Variants in POLR3H observed in about 807,000 individuals in gnomAD.
POLR3H encodes the protein DNA-directed RNA polymerase III subunit RPC8.
POLR3H carries 17 observed loss-of-function variants against 25.5 expected under a neutral mutation model. The ratio of observed to expected loss-of-function variants is 0.67; its 90% confidence interval spans 0.46 to 1.00. The LOEUF is 1.00. Ranked by LOEUF, POLR3H falls within the 50% of genes least tolerant of loss-of-function variation. POLR3H has a pLI of 0.00. For synonymous variants in POLR3H, 129 were observed against 103.0 expected, an observed-to-expected ratio of 1.25 and a Z score of -1.53; for missense variants, 274 against 265.0, an observed-to-expected ratio of 1.03 and a Z score of -0.24.
In POLR3H at chr22:41,529,977, A is replaced by T. The variant is rs11703078; in HGVS notation, c.562-641T>A. ...TCACCGTGTTAGCCAGGATGGTCTC[A>T]ATCTCCTGACCTCGTGATCCGCCCA... On this transcript the variant is annotated intron_variant, in intron 5 of 5. Transcript: ENST00000355209. 4.6e-5 allele frequency among the ~76,000 whole-genome samples: 7 copies of T among 151,790 alleles called. No individual in the cohort carries two copies. In the South Asian group the frequency reaches 6.2e-4, roughly 14 times the overall value.
chr22:41,540,642 G>T, intron 2 of POLR3H, 57 bp downstream of exon 2: 2 of 1,341,946 alleles, frequency 1.5e-6, no homozygotes, highest in Non-Finnish European at 2.1e-6. Context: ...CTTGACCTTT[G>T]GCTACAGAAA....
At position 41,532,749 on chromosome 22, in the gene POLR3H, G is replaced by A. The variant is rs1484343563; in HGVS notation, c.209-4C>T. 6.2e-7 allele frequency: 1 copy of A among 1,613,542 alleles called. No individual in the cohort carries two copies. Among genetic ancestry groups the A allele is most frequent in the South Asian group, 1.1e-5 (1 of 91,006 alleles). ...AACACCACGCAGCGAAAATGGACTGGAAATGAAGACAGCCCATCAGTGATG... is the reference window on the plus strand; with the variant it reads ...AACACCACGCAGCGAAAATGGACTGAAAATGAAGACAGCCCATCAGTGATG... On this transcript the variant is annotated splice_region_variant and splice_polypyrimidine_tract_variant and intron_variant, in intron 2 of 5. Coordinates refer to ENST00000355209, the MANE Select transcript of POLR3H (RefSeq NM_001018050.4).
intron 1 of POLR3H, among the ~76,000 whole-genome samples, chr22:41,541,263 A>T (rs1204231803): frequency 6.6e-6 from 1 of 152,184 alleles, no homozygotes; most frequent in East Asian, 1.9e-4. Context: ...ACTCTCCGAC[A>T]TCCCAAAGCC....
chr22:41,528,060 G>A lies in POLR3H; in HGVS notation c.*1223C>T. 1.9e-6 allele frequency: 3 copies of A among 1,613,318 alleles called. No homozygotes were observed. Among genetic ancestry groups the A allele is most frequent in the Non-Finnish European group, 2.5e-6 (3 of 1,179,852 alleles). ...GGTCCCCCTGAGGTGGTGGGGTGAG[G>A]GGCAGCCACCTTGTTTCCCCTCCTG... On this transcript the variant is annotated 3_prime_UTR_variant, in exon 6 of 6. Coordinates refer to ENST00000355209, the MANE Select transcript of POLR3H (RefSeq NM_001018050.4).
At chr22:41,537,591 A>G (rs2066868803) in intron 2 of POLR3H, among the ~76,000 whole-genome samples, 1 of 152,194 alleles carries the variant, frequency 6.6e-6, no homozygotes, top group Admixed American at 6.5e-5. Context: ...GGTTAACCCC[A>G]TTGTACAGAG....
At chr22:41,534,922 TTAGA>T (rs2066815752) in intron 2 of POLR3H, among the ~76,000 whole-genome samples, 2 of 150,826 alleles carry the variant, frequency 1.3e-5, no homozygotes, top group East Asian at 3.9e-4. Context: ...AATTGTGGAA[TTAGA>T]TAGTGGTGAT....
At chr22:41,529,760 G>GTTT in intron 5 of POLR3H, 1 of 431,488 alleles carries the variant, frequency 2.3e-6, no homozygotes, top group Admixed American at 3.1e-5. Context: ...CCTTTTTTTT[G>GTTT]TTGTTTTTTT....
At chr22:41,543,692 C>CA in intron 1 of POLR3H, 1 of 526,096 alleles carries the variant, frequency 1.9e-6, no homozygotes, top group South Asian at 1.7e-5. Flanking sequence ...GGAAGGACAG[C>CA]AATATTTTAT....
In POLR3H at chr22:41,526,483, G is replaced by A; in HGVS notation, c.*2800C>T. 6.3e-7 allele frequency: 1 copy of A among 1,598,018 alleles called. No homozygotes were observed. Among genetic ancestry groups the A allele is most frequent in the Non-Finnish European group, 8.5e-7 (1 of 1,169,708 alleles). On this transcript the variant is annotated 3_prime_UTR_variant, in exon 6 of 6. Coordinates refer to ENST00000355209, the MANE Select transcript of POLR3H (RefSeq NM_001018050.4). ...GTCAGAGTTGATAGGGGCAATGCCA[G>A]TGGTCACTCCTGAAGGGGCCTGCAA... is the stretch of plus-strand genomic sequence containing the variant.
chr22:41,532,207 G>A (rs187266104), intron 3 of POLR3H, 50 bp from the exon 4 acceptor site: 17 of 1,545,682 alleles, frequency 1.1e-5, no homozygotes, highest in Admixed American at 5.0e-5. Flanking sequence ...CCCAGTGGAC[G>A]CCAAACACTG....
intron 2 of POLR3H, chr22:41,539,326 A>G (rs2066895894): frequency 6.6e-6 from 1 of 152,112 alleles, no homozygotes; most frequent in Non-Finnish European, 1.5e-5. Flanking sequence ...GGCCTGGGGC[A>G]GGCTGAGAAT....
At chr22:41,538,132 ATTTT>A (rs71184815) in intron 2 of POLR3H, among the ~76,000 whole-genome samples, 4 of 129,234 alleles carry the variant, frequency 3.1e-5, no homozygotes, top group Admixed American at 7.8e-5. Context: ...CACCCAAATA[ATTTT>A]TTTTTTTTTT....
rs2066645879 is a variant in POLR3H at position 41,528,261 on chromosome 22, G to A, written c.*1022C>T. 2.4e-6 allele frequency: 2 copies of A among 844,780 alleles called. No homozygotes were observed. Among genetic ancestry groups the A allele is most frequent in the African/African-American group, 3.4e-5 (2 of 58,152 alleles). The allele number at this position is 844,780 out of a possible 1,614,324, so 52.3% of individuals were successfully genotyped here. A position where few individuals can be genotyped will look rare whatever the true frequency, so the allele number is the denominator to read the frequency against. On this transcript the variant is annotated 3_prime_UTR_variant, in exon 6 of 6. Coordinates refer to ENST00000355209, the MANE Select transcript of POLR3H (RefSeq NM_001018050.4). ...TTACTCACCAGGACCTGGCACTCAG[G>A]GGACAGCCCACCCACTGCAGGACCC... is the stretch of plus-strand genomic sequence containing the variant.
chr22:41,543,832 A>C, intron 1 of POLR3H, 159 bp downstream of exon 1: 2 of 712,186 alleles, frequency 2.8e-6, no homozygotes, highest in South Asian at 3.0e-5. Flanking sequence ...TTTTCTTTTG[A>C]TCCCCTTCAA....
At position 41,528,802 on chromosome 22, in the gene POLR3H, C is replaced by T. The variant is rs2066660945; in HGVS notation, c.*481G>A. ...GGTTCTTAAAATAACTTTTTAGCCC[C>T]CGTCTTCCTATTTTGAGTTTGGTTC... On this transcript the variant is annotated 3_prime_UTR_variant, in exon 6 of 6. Transcript: ENST00000355209. 1.1e-5 allele frequency: 8 copies of T among 748,234 alleles called. No homozygotes were observed. The highest frequency in any genetic ancestry group is 2.9e-5 in the East Asian group (1 of 34,692). The allele number at this position is 748,234 out of a possible 1,614,324, so 46.3% of individuals were successfully genotyped here.
In POLR3H at chr22:41,526,173, C is replaced by T; in HGVS notation, c.*3110G>A. On this transcript the variant is annotated 3_prime_UTR_variant, in exon 6 of 6. Transcript: ENST00000355209. ...ACCCCTCTGTCACCCCTCCTGGGCC[C>T]CGGGGCCTGCTGCCTGCCTCTGGAG... 3 of 1,264,912 alleles carry T rather than the reference C, an allele frequency of 2.4e-6. No individual in the cohort carries two copies. The highest frequency in any genetic ancestry group is 2.4e-5 in the East Asian group (1 of 42,314). 78.4% of individuals were successfully genotyped at this position (1,264,912 alleles called of 1,614,324 possible).
intron 2 of POLR3H, chr22:41,539,620 T>C (rs372662837): frequency 6.6e-6 from 1 of 152,118 alleles, no homozygotes; most frequent in African/African-American, 2.4e-5. Flanking sequence ...CACCCAGAGG[T>C]GAAGTCTATT....
At chr22:41,533,905 G>A (rs563218901) in intron 2 of POLR3H, among the ~76,000 whole-genome samples, 18 of 152,328 alleles carry the variant, frequency 1.2e-4, no homozygotes, top group East Asian at 1.2e-3. Flanking sequence ...TTGGGAGGCC[G>A]AGGTGGGCAG....
chr22:41,526,570 G>C lies in POLR3H; in HGVS notation c.*2713C>G. ...GGGAAGGAGGCCGACCAAGCCCAAA[G>C]GGGACTGCTGTGGAAGGGAGGAGAG... On this transcript the variant is annotated 3_prime_UTR_variant, in exon 6 of 6. Coordinates refer to ENST00000355209, the MANE Select transcript of POLR3H (RefSeq NM_001018050.4). 8.4e-7 allele frequency: 1 copy of C among 1,191,554 alleles called. No homozygotes were observed. Among genetic ancestry groups the C allele is most frequent in the Admixed American group, 2.4e-5 (1 of 40,846 alleles). 73.8% of individuals were successfully genotyped at this position (1,191,554 alleles called of 1,614,324 possible). A position where few individuals can be genotyped will look rare whatever the true frequency, so the allele number is the denominator to read the frequency against.
Sources: allele counts gnomAD v4.1 joint callset (sites outside exome capture counted in the v4.1 genomes callset), GRCh38; gene constraint gnomAD v4.1.1; transcripts MANE v1.5; gene names NCBI Gene and HGNC (gene_info 2026-07-23, HGNC 2026-07-21).